NRXN3: variants seen among roughly 807,000 people sequenced by gnomAD.
The protein encoded by NRXN3 is neurexin 3.
In NRXN3, 32 loss-of-function variants were observed where a neutral mutation model predicts 137.6. That is an observed-to-expected ratio of 0.23 (90% CI 0.18 to 0.31). The LOEUF (loss-of-function observed/expected upper bound fraction) is 0.31, where lower values mean the gene tolerates loss of function less well. Ranked by LOEUF, NRXN3 falls within the 10% of genes least tolerant of loss-of-function variation. NRXN3 has a pLI of 1.00. For synonymous variants in NRXN3, 798 were observed against 784.5 expected, an observed-to-expected ratio of 1.02 and a Z score of -0.29; for missense variants, 1,574 against 2,062.5, an observed-to-expected ratio of 0.76 and a Z score of 4.59.
intron 10 of NRXN3, among the ~76,000 whole-genome samples, chr14:78,873,592 A>G (rs1204326281): frequency 6.6e-6 from 1 of 152,174 alleles, no homozygotes; most frequent in Non-Finnish European, 1.5e-5. Flanking sequence ...GACAAATACA[A>G]TATTCTTAGT....
chr14:79,205,934 C>T (rs986708360), intron 15 of NRXN3, among the ~76,000 whole-genome samples: 1 of 151,986 alleles, frequency 6.6e-6, no homozygotes, highest in African/African-American at 2.4e-5. Context: ...ATTTTGGTAC[C>T]TCATCATTGT....
chr14:78,757,409 T>TAAA lies in NRXN3; in HGVS notation c.2044+42281_2044+42283dup, dbSNP rs59969129. On this transcript the variant is annotated intron_variant, in intron 8 of 20. Coordinates refer to ENST00000335750, the MANE Select transcript of NRXN3 (RefSeq NM_001330195.2). ...GGCGACAGAGAGAGATTCCATCTCTTAAAAAAAAAAAAAGGATTCTGCATG... is the reference window on the plus strand; with the variant it reads ...GGCGACAGAGAGAGATTCCATCTCTTAAAAAAAAAAAAAAAAGGATTCTGCATG... Among the ~76,000 whole-genome samples, 7 of 138,592 alleles carry TAAA rather than the reference T, an allele frequency of 5.1e-5. 1 individual carries two copies. The East Asian group carries it at 8.3e-4, about 16-fold the overall frequency. 90.9% of individuals were successfully genotyped at this position (138,592 alleles called of 152,430 possible). A position where few individuals can be genotyped will look rare whatever the true frequency, so the allele number is the denominator to read the frequency against.
chr14:79,254,636 G>C (rs1012870320), intron 15 of NRXN3, among the ~76,000 whole-genome samples: 21 of 152,136 alleles, frequency 1.4e-4, no homozygotes, highest in Non-Finnish European at 2.9e-4. Flanking sequence ...TCTTCTCTGG[G>C]CAAAGTTCAT....
At chr14:79,066,841 C>T (rs1446276075) in intron 15 of NRXN3, among the ~76,000 whole-genome samples, 3 of 152,084 alleles carry the variant, frequency 2.0e-5, no homozygotes, top group African/African-American at 7.2e-5. Context: ...ACTGAAATTG[C>T]TTATCAGCTT....
chr14:79,134,578 G>T lies in NRXN3; in HGVS notation c.3262+146437G>T, dbSNP rs180914083. Among the ~76,000 whole-genome samples the T allele has an allele frequency of 2.6e-5, 4 of 152,338 alleles. No individual in the cohort carries two copies. The East Asian group carries it at 7.7e-4, about 29-fold the overall frequency. On this transcript the variant is annotated intron_variant, in intron 15 of 20. Transcript: ENST00000335750. ...TAATGCTATGCTTCTCATTGCCATA[G>T]AGAAGCAGCAGCTGCTTTGAGACTT...
chr14:78,855,377 T>A (rs907056575), intron 10 of NRXN3, among the ~76,000 whole-genome samples: 4 of 152,168 alleles, frequency 2.6e-5, no homozygotes, highest in Admixed American at 2.0e-4. Context: ...GGTTAATCTC[T>A]TCTGAAAAAG....
intron 15 of NRXN3, among the ~76,000 whole-genome samples, chr14:79,427,048 C>T (rs1403522263): frequency 6.6e-6 from 1 of 152,066 alleles, no homozygotes; most frequent in Non-Finnish European, 1.5e-5. Context: ...TCAGTTTTTT[C>T]CTTCTGTAAG....
At chr14:78,258,980 A>C (rs2070175377) in intron 2 of NRXN3, among the ~76,000 whole-genome samples, 1 of 152,002 alleles carries the variant, frequency 6.6e-6, no homozygotes, top group African/African-American at 2.4e-5. Flanking sequence ...AAAACACAAA[A>C]AATTAGCTGG....
intron 4 of NRXN3, among the ~76,000 whole-genome samples, chr14:78,353,808 C>T (rs893424877): frequency 3.1e-4 from 47 of 152,124 alleles, no homozygotes; most frequent in Admixed American, 9.2e-4. Context: ...GATTGAAATT[C>T]GTAAGGGGAT....
At chr14:78,851,375 T>A (rs753389037) in intron 10 of NRXN3, among the ~76,000 whole-genome samples, 15 of 152,166 alleles carry the variant, frequency 9.9e-5, no homozygotes, top group Non-Finnish European at 2.1e-4. Flanking sequence ...ATTTGGCTCT[T>A]GCAAGCCAGT....
chr14:78,371,716 G>A (rs2086862570), intron 4 of NRXN3, among the ~76,000 whole-genome samples: 1 of 152,248 alleles, frequency 6.6e-6, no homozygotes, highest in Non-Finnish European at 1.5e-5. Context: ...GAGGGTTTGA[G>A]CAAGTGGTGT....
At chr14:78,888,348 C>T (rs1481178749) in intron 10 of NRXN3, among the ~76,000 whole-genome samples, 1 of 151,526 alleles carries the variant, frequency 6.6e-6, no homozygotes, top group Non-Finnish European at 1.5e-5. Context: ...TCTGAGTATC[C>T]AGAATGAGTT....
intron 4 of NRXN3, among the ~76,000 whole-genome samples, chr14:78,437,313 A>G (rs972189800): frequency 2.3e-4 from 35 of 150,636 alleles, no homozygotes; most frequent in African/African-American, 8.4e-4. Context: ...TAACAATTAT[A>G]TGGTGGTTTA....
intron 10 of NRXN3, among the ~76,000 whole-genome samples, chr14:78,844,498 C>T (rs183254648): frequency 1.3e-5 from 2 of 152,164 alleles, no homozygotes; most frequent in African/African-American, 4.8e-5. Context: ...CAAGTTACTG[C>T]ATCTCTCCAA....
chr14:79,486,838 T>C (rs986660790), intron 16 of NRXN3, among the ~76,000 whole-genome samples: 6 of 151,952 alleles, frequency 3.9e-5, no homozygotes, highest in Admixed American at 3.3e-4. Context: ...CAATCGGTGG[T>C]CTTAAAGGTG....
chr14:78,370,336 C>T (rs1411221743), intron 4 of NRXN3, among the ~76,000 whole-genome samples: 1 of 149,884 alleles, frequency 6.7e-6, no homozygotes, highest in Non-Finnish European at 1.5e-5. Context: ...TTGAGTGCTG[C>T]ATACTGTTTC....
chr14:79,123,768 G>A (rs2055897440), intron 15 of NRXN3, among the ~76,000 whole-genome samples: 2 of 152,156 alleles, frequency 1.3e-5, no homozygotes, highest in South Asian at 2.1e-4. Context: ...TGGAGATTAC[G>A]CTTAAAGTGG....
intron 15 of NRXN3, among the ~76,000 whole-genome samples, chr14:79,195,228 A>T (rs2064988437): frequency 6.6e-6 from 1 of 152,208 alleles, no homozygotes; most frequent in Admixed American, 6.5e-5. Flanking sequence ...GAACCCAGGC[A>T]TCAAGGGGTG....
At chr14:78,238,122 A>G (rs1037138600) in intron 1 of NRXN3, among the ~76,000 whole-genome samples, 6 of 149,414 alleles carry the variant, frequency 4.0e-5, no homozygotes, top group African/African-American at 1.5e-4. Context: ...AATAGCCCAC[A>G]TGTCAGAGTT....
Sources: allele counts gnomAD v4.1 joint callset (sites outside exome capture counted in the v4.1 genomes callset), GRCh38; gene constraint gnomAD v4.1.1; transcripts MANE v1.5; gene names NCBI Gene and HGNC (gene_info 2026-07-23, HGNC 2026-07-21).